Variants in LRFN1 observed in about 807,000 individuals in gnomAD.
LRFN1 encodes the protein leucine rich repeat and fibronectin type III domain containing 1.
A neutral mutation model predicts 31.8 loss-of-function variants in LRFN1; 20 were observed. The observed-to-expected ratio is 0.63, with a 90% CI of 0.44 to 0.91. The LOEUF is 0.91. Ranked by LOEUF, LRFN1 falls within the 40% of genes least tolerant of loss-of-function variation. The pLI, the probability that LRFN1 is intolerant of heterozygous loss-of-function variation, is 0.00. For missense variants in LRFN1, 912 were observed against 1,129.8 expected (o/e 0.81, Z 2.76); for synonymous variants, 514 against 541.3 (o/e 0.95, Z 0.70).
chr19:39,307,853 C>A lies in LRFN1; in HGVS notation c.2096G>T (p.Arg699Met). Residue 699 changes from arginine to methionine, a missense_variant, in exon 5 of 5, where the codon AGG becomes ATG. By Grantham distance (91) the Arg-to-Met change is moderately conservative. Around this residue, in one of 2 missense-constraint regions of LRFN1, gnomAD observed 511 missense variants for 557.0 expected, o/e 0.92. Transcript: ENST00000248668. The surrounding 1 kb of genome is among the most constrained non-coding windows in gnomAD (Gnocchi z 6.7). ...GTCGAACGAATAGCGCTGCTGCGGC[C>A]TCGGCCGGGCCGCGGCTCCCCCAGG... ...LVPGGAAARP[R>M]PQQRYSFDGD... is the part of the protein sequence containing the mutation. 1 of 1,520,182 alleles carries A rather than the reference C, an allele frequency of 6.6e-7. No homozygotes were observed. Among genetic ancestry groups the A allele is most frequent in the Non-Finnish European group, 8.8e-7 (1 of 1,140,750 alleles). The allele number at this position is 1,520,182 out of a possible 1,614,324, so 94.2% of individuals were successfully genotyped here.
intron 4 of LRFN1, among the ~76,000 whole-genome samples, chr19:39,313,700 G>T (rs1232792924): frequency 6.6e-6 from 1 of 152,230 alleles, no homozygotes; most frequent in Non-Finnish European, 1.5e-5. Context: ...TAGGACTCCA[G>T]TGCCCAGCCC....
rs367736985 is a variant in LRFN1 at position 39,307,975 on chromosome 19, A to G, written c.1974T>C (p.Thr658=). Residue 658 remains threonine, a synonymous_variant, in exon 5 of 5, where the codon ACT becomes ACC. Transcript: ENST00000248668. The surrounding 1 kb of genome is among the most constrained non-coding windows in gnomAD (Gnocchi z 6.7). The part of the protein sequence containing the change: ...TSLCLLPSEE[T]SGEESRAAVG... ...CCGCGGCCCGAGACTCCTCCCCGGA[A>G]GTTTCCTCGGATGGCAGCAGGCACA... The G allele has an allele frequency of 8.1e-4, 1,284 of 1,580,374 alleles. 3 individuals are homozygous for G. Among genetic ancestry groups the G allele is most frequent in the Non-Finnish European group, 7.4e-4 (866 of 1,171,122 alleles).
chr19:39,311,875 CTTTTTTTTT>C (rs562002567), intron 4 of LRFN1, among the ~76,000 whole-genome samples: 3,989 of 100,612 alleles, frequency 0.04, 76 homozygotes, highest in Middle Eastern at 0.055. Context: ...AAAAGGGAGG[CTTTTTTTTT>C]TTTTTTTTTT....
Position 39,313,983 on chromosome 19 carries a change from G to C in LRFN1, c.1354C>G (p.Arg452Gly). Residue 452 changes from arginine (R) to glycine (G), a missense_variant, in exon 4 of 5, where the codon CGC (arginine) becomes GGC (glycine). Arg to Gly is a moderately radical substitution (Grantham distance 125). Around this residue, in one of 2 missense-constraint regions of LRFN1, gnomAD observed 511 missense variants for 557.0 expected, o/e 0.92. Coordinates refer to ENST00000248668, the MANE Select transcript of LRFN1 (RefSeq NM_020862.2). ...WPAQRPVPGI[R>G]MYQVQYNSSV... ...CTGTTGTACTGAACCTGGTACATGC[G>C]TATTCCGGGCACAGGCCTCTGGGCT... 13 of 1,608,960 alleles carry C rather than the reference G, an allele frequency of 8.1e-6. No individual in the cohort carries two copies. The highest frequency in any genetic ancestry group is 1.1e-5 in the Non-Finnish European group (13 of 1,178,412).
In LRFN1 at chr19:39,308,958, G is replaced by A. The variant is rs896738548; in HGVS notation, c.1407-416C>T. On this transcript the variant is annotated intron_variant, in intron 4 of 4. Coordinates refer to ENST00000248668, the MANE Select transcript of LRFN1 (RefSeq NM_020862.2). The surrounding 1 kb of genome is among the most constrained non-coding windows in gnomAD (Gnocchi z 6.2). Reference sequence around the variant, plus strand: ...CTAGGCATTTCTACCCCAAAACTGGGCCAACGCTACTGGCCACCTCCCCTT... The same window carrying A: ...CTAGGCATTTCTACCCCAAAACTGGACCAACGCTACTGGCCACCTCCCCTT... Among the ~76,000 whole-genome samples, 1 of 152,092 alleles carries A rather than the reference G, an allele frequency of 6.6e-6. No homozygotes were observed. The highest frequency in any genetic ancestry group is 2.4e-5 in the African/African-American group (1 of 41,392).
intron 4 of LRFN1, among the ~76,000 whole-genome samples, chr19:39,313,137 G>A (rs961900993): frequency 6.6e-6 from 1 of 152,226 alleles, no homozygotes; most frequent in Non-Finnish European, 1.5e-5. Context: ...ACCCAAGTGA[G>A]GGTGGAAATA....
At chr19:39,309,591 A>G (rs549921075) in intron 4 of LRFN1, among the ~76,000 whole-genome samples, 1 of 150,598 alleles carries the variant, frequency 6.6e-6, no homozygotes, top group African/African-American at 2.5e-5. Flanking sequence ...CCATTCCCCA[A>G]CCAAATGAAA....
At chr19:39,310,263 C>T (rs1001981307) in intron 4 of LRFN1, among the ~76,000 whole-genome samples, 1 of 152,198 alleles carries the variant, frequency 6.6e-6, no homozygotes. Context: ...CGGCGAACTT[C>T]GCCAAGTTTC....
intron 1 of LRFN1, among the ~76,000 whole-genome samples, chr19:39,320,343 A>ACACACACACAC: frequency 7.8e-6 from 1 of 128,094 alleles, no homozygotes; most frequent in Non-Finnish European, 1.6e-5. Context: ...CACACACACA[A>ACACACACACAC]ATGGACACCC....
In LRFN1 at chr19:39,307,456, CG is replaced by C. The variant is rs2145026511; in HGVS notation, c.*176del. 1.6e-6 allele frequency: 1 copy of C among 613,282 alleles called. No homozygotes were observed. Among genetic ancestry groups the C allele is most frequent in the Non-Finnish European group, 2.4e-6 (1 of 410,696 alleles). 38.0% of individuals were successfully genotyped at this position (613,282 alleles called of 1,614,324 possible). A position where few individuals can be genotyped will look rare whatever the true frequency, so the allele number is the denominator to read the frequency against. On this transcript the variant is annotated 3_prime_UTR_variant, in exon 5 of 5. Transcript: ENST00000248668. The surrounding 1 kb of genome is among the most constrained non-coding windows in gnomAD (Gnocchi z 6.7). ...CGGTCCCCGAACCCCGCCCTGGGCA[CG>C]GGGGCGTGGCCTCGAGCCGCAGCCC...
rs1188154911 is a variant in LRFN1, at chr19:39,314,224, G to T, written c.1113C>A (p.Ile371=). 1.9e-6 allele frequency: 3 copies of T among 1,613,196 alleles called. No individual in the cohort carries two copies. In the African/African-American group the frequency reaches 4.0e-5, roughly 22 times the overall value. ...TLRDSGTFTC[I]ASNAAGEATA... ...TCGCTTCCCCAGCAGCATTGGAGGC[G>T]ATACAAGTGAAGGTGCCACTGTCCC... The change falls in exon 4 of 5, where the codon ATC becomes ATA. Residue 371 remains isoleucine, a synonymous_variant. Coordinates refer to ENST00000248668, the MANE Select transcript of LRFN1 (RefSeq NM_020862.2).
chr19:39,307,760 C>T lies in LRFN1; in HGVS notation c.2189G>A (p.Arg730Gln). The T allele has an allele frequency of 6.7e-7, 1 of 1,489,670 alleles. No homozygotes were observed. Among genetic ancestry groups the T allele is most frequent in the Non-Finnish European group, 8.9e-7 (1 of 1,129,520 alleles). 92.3% of individuals were successfully genotyped at this position (1,489,670 alleles called of 1,614,324 possible). ...PRRARRTKRH[R>Q]STPHLDGAGG... ...AGCCCCGTCCAGGTGCGGCGTGGAC[C>T]GGTGGCGCTTTGTCCGCCGGGCGCG... Residue 730 changes from arginine (R) to glutamine (Q), a missense_variant, in exon 5 of 5, where the codon CGG (arginine) becomes CAG (glutamine). By Grantham distance (43) the Arg-to-Gln change is conservative. Transcript: ENST00000248668. This position sits in a 1 kb window ranked among gnomAD's most constrained non-coding sequence, Gnocchi z 6.7.
intron 4 of LRFN1, among the ~76,000 whole-genome samples, chr19:39,309,431 G>T (rs1414349933): frequency 7.7e-6 from 1 of 129,768 alleles, no homozygotes; most frequent in Non-Finnish European, 1.5e-5. Context: ...TCTAGCTTGG[G>T]CTACAAGACC....
chr19:39,320,284 C>T (rs2075184308), intron 1 of LRFN1, among the ~76,000 whole-genome samples: 1 of 151,086 alleles, frequency 6.6e-6, no homozygotes, highest in African/African-American at 2.4e-5. Context: ...GATACACACC[C>T]TCGGAGACAT....
chr19:39,313,656 T>C (rs2075158764), intron 4 of LRFN1, among the ~76,000 whole-genome samples: 1 of 152,224 alleles, frequency 6.6e-6, no homozygotes, highest in African/African-American at 2.4e-5. Context: ...ATGAGCCCCA[T>C]GAGGGCAGGG....
At chr19:39,312,800 CAA>C (rs34184676) in intron 4 of LRFN1, among the ~76,000 whole-genome samples, 5 of 93,910 alleles carry the variant, frequency 5.3e-5, no homozygotes, top group African/African-American at 9.4e-5. Context: ...AAGACCCTGC[CAA>C]AAAAAAAAAA....
chr19:39,317,596 C>T (rs2075175845), intron 2 of LRFN1, among the ~76,000 whole-genome samples: 1 of 152,128 alleles, frequency 6.6e-6, no homozygotes, highest in African/African-American at 2.4e-5. Flanking sequence ...CACTGCAGGA[C>T]AGAATCCGCC....
Position 39,307,406 on chromosome 19 carries a change from C to A in LRFN1, c.*227G>T. On this transcript the variant is annotated 3_prime_UTR_variant, in exon 5 of 5. Coordinates refer to ENST00000248668, the MANE Select transcript of LRFN1 (RefSeq NM_020862.2). This position sits in a 1 kb window ranked among gnomAD's most constrained non-coding sequence, Gnocchi z 6.7. ...AGGGGTAGGAGGGGGGTCGAGGAGT[C>A]CATAGGGGAAGGGAGGCCGGCAGCC... The A allele has an allele frequency of 2.3e-6, 1 of 442,266 alleles. No individual in the cohort carries two copies. The highest frequency in any genetic ancestry group is 3.9e-6 in the Non-Finnish European group (1 of 256,174). The allele number at this position is 442,266 out of a possible 1,614,324, so 27.4% of individuals were successfully genotyped here. A position where few individuals can be genotyped will look rare whatever the true frequency, so the allele number is the denominator to read the frequency against.
At chr19:39,310,884 A>G (rs1197352032) in intron 4 of LRFN1, among the ~76,000 whole-genome samples, 1 of 151,914 alleles carries the variant, frequency 6.6e-6, no homozygotes, top group Non-Finnish European at 1.5e-5. Context: ...AAGACTTCCA[A>G]TCAGGGCCCC....
Sources: gnomAD v4.1 joint callset for allele counts (sites outside exome capture counted in the v4.1 genomes callset) on GRCh38, gnomAD v4.1.1 for gene constraint, gnomAD v4.1.1 regional missense constraint, Gnocchi (gnomAD v3.1) non-coding constraint, MANE v1.5 for transcripts, NCBI Gene and HGNC (gene_info 2026-07-23, HGNC 2026-07-21) for gene names.